Variants in CCDC91 observed in about 807,000 individuals in gnomAD.
CCDC91 encodes coiled-coil domain-containing protein 91.
In CCDC91, 48 loss-of-function variants were observed where a neutral mutation model predicts 63.2. The observed-to-expected ratio is 0.76, with a 90% confidence interval of 0.60 to 0.97. CCDC91 has a LOEUF of 0.97. Among genes scored for constraint, CCDC91 ranks in the 50% least tolerant of loss-of-function variants. The probability of loss-of-function intolerance (pLI) is 0.00; values close to 1 mark genes in which losing one functional copy is unlikely to be tolerated. For synonymous variants in CCDC91, 167 were observed against 165.8 expected (o/e 1.01, Z -0.06); for missense variants, 500 against 494.6 (o/e 1.01, Z -0.10).
At chr12:28,382,019 A>G (rs1168614326) in intron 7 of CCDC91, among the ~76,000 whole-genome samples, 1 of 152,092 alleles carries the variant, frequency 6.6e-6, no homozygotes, top group Non-Finnish European at 1.5e-5. Flanking sequence ...CACATCTGTC[A>G]GGTACCAATG....
chr12:28,275,806 G>C (rs1948170157), intron 3 of CCDC91, among the ~76,000 whole-genome samples: 1 of 152,140 alleles, frequency 6.6e-6, no homozygotes, highest in Non-Finnish European at 1.5e-5. Context: ...GGGATGCAAG[G>C]CTGTTTCAAC....
intron 1 of CCDC91, among the ~76,000 whole-genome samples, chr12:28,213,241 A>AATTC (rs1384164172): frequency 4.6e-5 from 7 of 152,184 alleles, no homozygotes; most frequent in Non-Finnish European, 7.3e-5. Context: ...CATGCAAGAC[A>AATTC]ATTCTCAAGA....
intron 8 of CCDC91, among the ~76,000 whole-genome samples, chr12:28,423,610 A>G (rs1415859861): frequency 1.3e-5 from 2 of 152,126 alleles, no homozygotes; most frequent in South Asian, 2.1e-4. Context: ...AAAACGCTGG[A>G]ATAGTGGGGC....
intron 8 of CCDC91, among the ~76,000 whole-genome samples, chr12:28,400,826 C>A (rs1397966570): frequency 6.6e-6 from 1 of 152,102 alleles, no homozygotes; most frequent in African/African-American, 2.4e-5. Context: ...GACCTTTGCC[C>A]CAGTTCCCAA....
intron 7 of CCDC91, among the ~76,000 whole-genome samples, chr12:28,372,771 GCAAA>G (rs1944703030): frequency 6.6e-6 from 1 of 152,066 alleles, no homozygotes; most frequent in South Asian, 2.1e-4. Flanking sequence ...CATGTCATTG[GCAAA>G]CAGAGATAGT....
intron 1 of CCDC91, among the ~76,000 whole-genome samples, chr12:28,249,971 G>A (rs1158220371): frequency 6.6e-6 from 1 of 152,076 alleles, no homozygotes; most frequent in Admixed American, 6.6e-5. Context: ...ATGTATGACT[G>A]GCCCCTGAGA....
intron 6 of CCDC91, among the ~76,000 whole-genome samples, chr12:28,333,597 A>G (rs1341267322): frequency 1.3e-5 from 2 of 152,088 alleles, no homozygotes; most frequent in Admixed American, 1.3e-4. Context: ...TTCATGTCTC[A>G]TCTTTTGCTT....
At chr12:28,446,053 G>GC (rs74346662) in intron 8 of CCDC91, among the ~76,000 whole-genome samples, 31,493 of 152,122 alleles carry the variant, frequency 0.21, 4,211 homozygotes, top group Non-Finnish European at 0.3. Context: ...AAGGGCAAGA[G>GC]CAAGGCATGG....
chr12:28,360,832 T>G (rs1943830772), intron 6 of CCDC91, among the ~76,000 whole-genome samples: 1 of 152,102 alleles, frequency 6.6e-6, no homozygotes, highest in Admixed American at 6.5e-5. Flanking sequence ...TTCTTAAATA[T>G]TTCTTAAAAT....
chr12:28,244,345 C>G (rs1197215469), intron 1 of CCDC91, among the ~76,000 whole-genome samples: 1 of 152,036 alleles, frequency 6.6e-6, no homozygotes, highest in Non-Finnish European at 1.5e-5. Flanking sequence ...TGAAAAGATT[C>G]TCTTAAAGTC....
At chr12:28,349,787 G>A (rs1943058631) in intron 6 of CCDC91, among the ~76,000 whole-genome samples, 1 of 152,082 alleles carries the variant, frequency 6.6e-6, no homozygotes, top group Admixed American at 6.5e-5. Context: ...AACGTTCCCA[G>A]TTTAGAGACC....
chr12:28,203,978 C>T (rs1319042980), intron 1 of CCDC91, among the ~76,000 whole-genome samples: 2 of 152,070 alleles, frequency 1.3e-5, no homozygotes, highest in East Asian at 3.9e-4. Flanking sequence ...TTAAAAAAAA[C>T]AACCAGAAGC....
chr12:28,332,004 T>G (rs932113445), intron 6 of CCDC91, among the ~76,000 whole-genome samples: 58 of 152,084 alleles, frequency 3.8e-4, no homozygotes, highest in African/African-American at 1.4e-3. Context: ...TTAAAAGAAT[T>G]GTTTATTTCC....
At chr12:28,302,740 C>A in intron 3 of CCDC91, 1 of 654,254 alleles carries the variant, frequency 1.5e-6, no homozygotes, top group Non-Finnish European at 1.9e-6. Flanking sequence ...TGAAGCAAAG[C>A]AGGTTTATTT....
At chr12:28,273,880 A>G (rs1349844282) in intron 3 of CCDC91, among the ~76,000 whole-genome samples, 2 of 152,112 alleles carry the variant, frequency 1.3e-5, no homozygotes, top group Admixed American at 6.6e-5. Context: ...TTTTGTTGCC[A>G]TTGCTTTCGG....
At chr12:28,328,747 A>T (rs1439346880) in intron 6 of CCDC91, among the ~76,000 whole-genome samples, 1 of 152,176 alleles carries the variant, frequency 6.6e-6, no homozygotes, top group African/African-American at 2.4e-5. Flanking sequence ...GACTAAAAAG[A>T]ATTATTATTT....
At chr12:28,363,969 T>C (rs1235493274) in intron 7 of CCDC91, among the ~76,000 whole-genome samples, 1 of 151,260 alleles carries the variant, frequency 6.6e-6, no homozygotes, top group Non-Finnish European at 1.5e-5. Context: ...AAGTGTTTTT[T>C]TTTTTTTCTT....
chr12:28,544,942 T>G (rs1322142948), intron 12 of CCDC91, among the ~76,000 whole-genome samples: 1 of 152,076 alleles, frequency 6.6e-6, no homozygotes, highest in Admixed American at 6.6e-5. Flanking sequence ...ATTAAAAATT[T>G]TAGTAAGTAG....
At chr12:28,508,274 T>C (rs1436874318) in intron 12 of CCDC91, among the ~76,000 whole-genome samples, 1 of 151,904 alleles carries the variant, frequency 6.6e-6, no homozygotes, top group African/African-American at 2.4e-5. Flanking sequence ...GGAAAAGCTG[T>C]AACTCCTGCT....
Sources: allele counts gnomAD v4.1 joint callset (sites outside exome capture counted in the v4.1 genomes callset), GRCh38; gene constraint gnomAD v4.1.1; transcripts MANE v1.5; gene names NCBI Gene and HGNC (gene_info 2026-07-23, HGNC 2026-07-21).